CIB1: variants seen among roughly 807,000 people sequenced by gnomAD.
The protein encoded by CIB1 is calcium and integrin-binding protein 1.
Under a neutral mutation model 25.0 loss-of-function variants are expected in CIB1, and 19 were observed. That is an observed-to-expected ratio of 0.76 (90% CI 0.53 to 1.12). The LOEUF is 1.12. CIB1 is among the 50% of genes most tolerant of loss of function. The pLI is 0.00. For synonymous variants in CIB1, 104 were observed against 98.5 expected, an observed-to-expected ratio of 1.06 and a Z score of -0.33; for missense variants, 236 against 242.6, an observed-to-expected ratio of 0.97 and a Z score of 0.18.
the CIB1 span, chr15:90,265,549 G>T: frequency 7.2e-7 from 1 of 1,390,834 alleles, no homozygotes; most frequent in Admixed American, 2.5e-5. Context: ...AGGCAGAAAG[G>T]GTGGGCCACT....
chr15:90,265,554 G>A, the CIB1 span: 9 of 1,382,334 alleles, frequency 6.5e-6, no homozygotes, highest in African/African-American at 1.2e-4. Context: ...GAAAGGGTGG[G>A]CCACTGAGCA....
At chr15:90,252,381 A>G in the CIB1 span, among the ~76,000 whole-genome samples, 4 of 151,538 alleles carry the variant, frequency 2.6e-5, no homozygotes, top group East Asian at 3.9e-4. Context: ...GAGTCTTGCT[A>G]TGTTGCCCAG....
At chr15:90,256,017 A>T in the CIB1 span, 1 of 1,560,442 alleles carries the variant, frequency 6.4e-7, no homozygotes, top group Non-Finnish European at 8.7e-7. Context: ...CTGGTCAAAG[A>T]AAAGAGGGTC....
At chr15:90,264,992 C>T in the CIB1 span, 2 of 1,520,760 alleles carry the variant, frequency 1.3e-6, no homozygotes, top group Non-Finnish European at 1.8e-6. Context: ...CACTCTACCT[C>T]TCCTGGATAA....
At chr15:90,241,143 C>T in the CIB1 span, 65 of 1,614,024 alleles carry the variant, frequency 4.0e-5, no homozygotes, top group Non-Finnish European at 5.0e-5. Context: ...GTTTCGCTAC[C>T]GTCTACGGGA....
chr15:90,250,357 T>C, the CIB1 span, among the ~76,000 whole-genome samples: 1 of 152,196 alleles, frequency 6.6e-6, no homozygotes, highest in African/African-American at 2.4e-5. Flanking sequence ...GGCACCCCTG[T>C]GCGTTGTATG....
chr15:90,233,211 A>G (rs1426655328), intron 2 of CIB1, among the ~76,000 whole-genome samples: 2 of 152,216 alleles, frequency 1.3e-5, no homozygotes, highest in Non-Finnish European at 2.9e-5. Flanking sequence ...CCTCTCTCCT[A>G]AAGATTAAAT....
At chr15:90,235,901 T>C (rs958541850), upstream of CIB1, among the ~76,000 whole-genome samples, 6 of 152,022 alleles carry the variant, frequency 3.9e-5, no homozygotes, top group Non-Finnish European at 7.4e-5. Context: ...GCTCTTTCTG[T>C]CCGAGAAAGA....
At chr15:90,242,253 CTTTTTTT>C in the CIB1 span, 3,016 of 88,968 alleles carry the variant, frequency 0.034, 2 homozygotes, top group Middle Eastern at 0.1. Flanking sequence ...ACACACCTGG[CTTTTTTT>C]TTTTTTTTTT....
At chr15:90,256,711 T>C in the CIB1 span, among the ~76,000 whole-genome samples, 24 of 151,612 alleles carry the variant, frequency 1.6e-4, no homozygotes, top group African/African-American at 5.6e-4. Flanking sequence ...TTTCTTTCGA[T>C]GGAGTCTCTC....
In CIB1 at chr15:90,231,017, C is replaced by A. The variant is rs1296054034; in HGVS notation, c.471G>T (p.Leu157=). ...SEMKQLIDNI[L]EESDIDRDGT... ...CATCCCTGTCAATGTCAGACTCCTCCAGGATCTGGGAAAGGGAGAGTTTCA... is the reference window on the plus strand; with the variant it reads ...CATCCCTGTCAATGTCAGACTCCTCAAGGATCTGGGAAAGGGAGAGTTTCA... The change falls in exon 6 of 7, where the codon CTG becomes CTT. Residue 157 remains leucine (L), a synonymous_variant. Coordinates refer to ENST00000328649, the MANE Select transcript of CIB1 (RefSeq NM_006384.4). 6.2e-7 allele frequency: 1 copy of A among 1,614,056 alleles called. No individual in the cohort carries two copies. Among genetic ancestry groups the A allele is most frequent in the Non-Finnish European group, 8.5e-7 (1 of 1,179,910 alleles).
rs1183249055 is a variant in CIB1 at position 90,230,219 on chromosome 15, C to T, written c.*265G>A. ...TTAGAAGAGAAGTCCAGTCCTTCCT[C>T]ATACCAGTGTATCTCATGTCACACA... is the stretch of plus-strand genomic sequence containing the variant. On this transcript the variant is annotated 3_prime_UTR_variant, in exon 7 of 7. Coordinates refer to ENST00000328649, the MANE Select transcript of CIB1 (RefSeq NM_006384.4). The T allele has an allele frequency of 5.6e-6, 3 of 537,736 alleles. No individual in the cohort carries two copies. The highest frequency in any genetic ancestry group is 1.0e-5 in the Non-Finnish European group (3 of 300,434). 33.3% of individuals were successfully genotyped at this position (537,736 alleles called of 1,614,324 possible). A position where few individuals can be genotyped will look rare whatever the true frequency, so the allele number is the denominator to read the frequency against.
At chr15:90,257,998 G>A in the CIB1 span, 2 of 1,590,172 alleles carry the variant, frequency 1.3e-6, no homozygotes, top group African/African-American at 2.7e-5. Context: ...TGGCCCAGTG[G>A]CCTAGAAACT....
At chr15:90,247,298 CTTTT>C in the CIB1 span, among the ~76,000 whole-genome samples, 1 of 134,294 alleles carries the variant, frequency 7.4e-6, no homozygotes, top group Non-Finnish European at 1.6e-5. Context: ...TTTCTTTTTT[CTTTT>C]TTTTTTTTTT....
the CIB1 span, among the ~76,000 whole-genome samples, chr15:90,254,959 C>T: frequency 1.3e-5 from 2 of 152,364 alleles, no homozygotes; most frequent in African/African-American, 4.8e-5. Flanking sequence ...CCCATTAAAT[C>T]CTCAAGAACA....
chr15:90,241,544 C>A, the CIB1 span: 1 of 1,613,366 alleles, frequency 6.2e-7, no homozygotes, highest in Non-Finnish European at 8.5e-7. Context: ...GAGGCTTGGC[C>A]TCGGTGAACC....
At chr15:90,241,612 G>C in the CIB1 span, 1 of 1,613,972 alleles carries the variant, frequency 6.2e-7, no homozygotes, top group East Asian at 2.2e-5. Flanking sequence ...CAGGCGCCAA[G>C]CGAGCCCCTG....
At chr15:90,265,717 C>T in the CIB1 span, 2 of 1,613,072 alleles carry the variant, frequency 1.2e-6, no homozygotes, top group East Asian at 2.2e-5. Context: ...GTCGACATGG[C>T]GGTTACCCTG....
rs1279394155 is a variant in CIB1 at position 90,231,202 on chromosome 15, C to T, written c.358G>A (p.Asp120Asn). 1 of 1,591,424 alleles carries T rather than the reference C, an allele frequency of 6.3e-7. No homozygotes were observed. The highest frequency in any genetic ancestry group is 2.3e-5 in the East Asian group (1 of 42,902). The change falls in exon 5 of 7, where the codon GAC becomes AAC. Residue 120 changes from aspartate (D) to asparagine (N), a missense_variant. Asp to Asn is a conservative substitution (Grantham distance 23, BLOSUM62 1). Transcript: ENST00000328649. ...AGGTCTTCTCTGTTCAAGGTTCCGT[C>T]ATCATCAAAGTCTAGAGAGCAGACA... ...YAFRIFDFDDDGTLNREDLSR... is the reference protein window; with the variant it reads ...YAFRIFDFDDNGTLNREDLSR...
Sources: allele counts gnomAD v4.1 joint callset (sites outside exome capture counted in the v4.1 genomes callset), GRCh38; gene constraint gnomAD v4.1.1; transcripts MANE v1.5; gene names NCBI Gene and HGNC (gene_info 2026-07-23, HGNC 2026-07-21).